ZNF695: variants seen among roughly 807,000 people sequenced by gnomAD.
ZNF695 encodes zinc finger protein 695.
ZNF695 carries 11 observed loss-of-function variants against 11.2 expected under a neutral mutation model. The observed-to-expected ratio is 0.98, with a 90% confidence interval of 0.62 to 1.62. The LOEUF (loss-of-function observed/expected upper bound fraction) is 1.62. Among genes scored for constraint, ZNF695 ranks in the 40% most tolerant of loss-of-function variants. ZNF695 has a pLI of 0.00. For missense variants in ZNF695, 559 were observed against 590.5 expected, an observed-to-expected ratio of 0.95 and a Z score of 0.55; for synonymous variants, 190 against 201.4, an observed-to-expected ratio of 0.94 and a Z score of 0.48.
intron 5 of ZNF695, among the ~76,000 whole-genome samples, chr1:246,950,586 G>C (rs971005803): frequency 6.8e-6 from 1 of 147,118 alleles, no homozygotes; most frequent in Admixed American, 6.9e-5. Context: ...GGGAGGCAGA[G>C]GTTGCAGTGA....
chr1:246,994,857 AAAAC>A (rs1482321940), intron 3 of ZNF695, among the ~76,000 whole-genome samples: 2 of 151,882 alleles, frequency 1.3e-5, no homozygotes, highest in South Asian at 4.2e-4. Flanking sequence ...ACAAAAACAA[AAAAC>A]AAACAAACAA....
chr1:246,996,964 CTT>C (rs1468953088), intron 3 of ZNF695, among the ~76,000 whole-genome samples: 1 of 152,108 alleles, frequency 6.6e-6, no homozygotes, highest in Admixed American at 6.6e-5. Context: ...GGCAAACAAA[CTT>C]ACAGATAAAT....
intron 4 of ZNF695, among the ~76,000 whole-genome samples, chr1:246,978,475 C>CAAATT (rs1480479490): frequency 6.6e-6 from 1 of 152,082 alleles, no homozygotes; most frequent in African/African-American, 2.4e-5. Flanking sequence ...GATGATGATG[C>CAAATT]AACACATAAA....
intron 5 of ZNF695, among the ~76,000 whole-genome samples, chr1:246,965,296 G>C (rs948770011): frequency 2.0e-5 from 3 of 150,632 alleles, no homozygotes; most frequent in African/African-American, 7.4e-5. Context: ...GGCGGAGCTT[G>C]CAGTGAGCCG....
intron 5 of ZNF695, among the ~76,000 whole-genome samples, chr1:246,959,848 T>C (rs114585613): frequency 0.017 from 2,552 of 152,302 alleles, 35 homozygotes; most frequent in African/African-American, 0.039. Context: ...TCCCTCTCCG[T>C]GGCGGTTCTG....
rs1312384964 is a variant in ZNF695 at position 246,987,726 on chromosome 1, A to G, written c.789T>C (p.Thr263=). Residue 263 remains threonine, a synonymous_variant, in exon 4 of 4, where the codon ACT becomes ACC. Transcript: ENST00000339986. The stretch of plus-strand genomic sequence containing the variant: ...CTTCACATCTGTAGGTTTTCTTTTC[A>G]GTATGATTTTTCTCAACAACAGCAA... ...SSLAVVEKNH[T]EKKTYRCEEC... is the part of the protein sequence containing the mutation. 2 of 1,591,326 alleles carry G rather than the reference A, an allele frequency of 1.3e-6. No homozygotes were observed. The highest frequency in any genetic ancestry group is 2.7e-5 in the African/African-American group (2 of 73,696).
chr1:246,992,928 T>G (rs1045205722), intron 3 of ZNF695, among the ~76,000 whole-genome samples: 1 of 152,224 alleles, frequency 6.6e-6, no homozygotes, highest in Admixed American at 6.5e-5. Context: ...TGAAAAAGAC[T>G]GGTTTCTGTC....
intron 5 of ZNF695, among the ~76,000 whole-genome samples, chr1:246,953,486 C>T (rs936485952): frequency 2.6e-5 from 4 of 152,116 alleles, no homozygotes; most frequent in Non-Finnish European, 5.9e-5. Context: ...TGGCACACGC[C>T]TGTAGTCCCA....
intron 4 of ZNF695, among the ~76,000 whole-genome samples, chr1:246,971,533 C>G (rs192248876): frequency 6.6e-6 from 1 of 152,118 alleles, no homozygotes. Context: ...CTGACGCTAC[C>G]GCTAGACCAG....
Position 246,986,528 on chromosome 1 carries a change from G to T in ZNF695, c.*439C>A. 1 of 989,326 alleles carries T rather than the reference G, an allele frequency of 1.0e-6. No homozygotes were observed. Among genetic ancestry groups the T allele is most frequent in the South Asian group, 4.7e-5 (1 of 21,494 alleles). 61.3% of individuals were successfully genotyped at this position (989,326 alleles called of 1,614,324 possible). A position where few individuals can be genotyped will look rare whatever the true frequency, so the allele number is the denominator to read the frequency against. ...TGCTTTTTACTATGAATTCTTGGAT[G>T]TGTTTTGATGTAATTTTTGATTAGA... is the stretch of plus-strand genomic sequence containing the variant. On this transcript the variant is annotated 3_prime_UTR_variant, in exon 4 of 4. Coordinates refer to ENST00000339986, the MANE Select transcript of ZNF695 (RefSeq NM_020394.5).
chr1:246,973,444 T>C (rs865884184), intron 4 of ZNF695, among the ~76,000 whole-genome samples: 1 of 152,232 alleles, frequency 6.6e-6, no homozygotes, highest in Non-Finnish European at 1.5e-5. Context: ...AACCACTACA[T>C]AATGTGAGAT....
chr1:246,987,278 A>G lies in ZNF695; in HGVS notation c.1237T>C (p.Cys413Arg). 1 of 1,614,056 alleles carries G rather than the reference A, an allele frequency of 6.2e-7. No individual in the cohort carries two copies. Among genetic ancestry groups the G allele is most frequent in the Non-Finnish European group, 8.5e-7 (1 of 1,179,988 alleles). ...TGQKPYKCEECGKAFTWFSYL... is the reference protein window; with the variant it reads ...TGQKPYKCEERGKAFTWFSYL... ...GAAAACCAGGTAAAAGCTTTGCCAC[A>G]TTCCTCACATTTGTAGGGTTTCTGC... The change falls in exon 4 of 4, where the codon TGT becomes CGT. Residue 413 changes from cysteine (C) to arginine (R), a missense_variant. Physicochemically the swap from Cys to Arg is radical, Grantham distance 180 (BLOSUM62 -3). Coordinates refer to ENST00000339986, the MANE Select transcript of ZNF695 (RefSeq NM_020394.5).
intron 4 of ZNF695, among the ~76,000 whole-genome samples, chr1:246,973,366 A>G (rs1668478608): frequency 6.6e-6 from 1 of 152,182 alleles, no homozygotes; most frequent in Non-Finnish European, 1.5e-5. Flanking sequence ...ACATATTTCT[A>G]ATGATTGCTT....
intron 5 of ZNF695, among the ~76,000 whole-genome samples, chr1:246,950,823 T>C (rs2102998233): frequency 6.6e-6 from 1 of 152,230 alleles, no homozygotes; most frequent in South Asian, 2.1e-4. Context: ...ATTTGTAAAA[T>C]GCAAAATGAC....
rs1341706957 is a variant in ZNF695 at position 246,987,375 on chromosome 1, G to C, written c.1140C>G (p.Tyr380Ter). Residue 380 changes from tyrosine to a stop codon, truncating the protein, a stop_gained, in exon 4 of 4, where the codon TAC becomes TAG. Transcript: ENST00000339986. LOFTEE classifies it low-confidence loss of function (END_TRUNC). ...HRRIHTGEKP[Y>*]KCEECGKAFT... ...AAGCTTTGCCACATTCCTCACATTT[G>C]TATGGTTTCTCACCAGTATGAATTC... 6.2e-7 allele frequency: 1 copy of C among 1,613,508 alleles called. No homozygotes were observed. The highest frequency in any genetic ancestry group is 8.5e-7 in the Non-Finnish European group (1 of 1,179,786).
chr1:246,947,635 G>A (rs74152769), intron 5 of ZNF695, among the ~76,000 whole-genome samples: 3,493 of 149,822 alleles, frequency 0.023, 139 homozygotes, highest in African/African-American at 0.081. Context: ...GTGGTATATC[G>A]GGCGTTTCCA....
chr1:246,984,895 A>G (rs906393091), downstream of ZNF695, among the ~76,000 whole-genome samples: 2 of 152,252 alleles, frequency 1.3e-5, no homozygotes, highest in African/African-American at 2.4e-5. Context: ...TTTTGGAACA[A>G]GAAAATTATA....
chr1:246,999,316 T>C (rs772613827), intron 3 of ZNF695, 32 bp downstream of exon 3: 175 of 1,543,594 alleles, frequency 1.1e-4, no homozygotes, highest in African/African-American at 1.4e-5. Flanking sequence ...CTTCAACCCC[T>C]ACCTGTGTTC....
In ZNF695 at chr1:246,956,343, C is replaced by T. The variant is rs375769478; in HGVS notation, c.489-10516G>A. Among the ~76,000 whole-genome samples the T allele has an allele frequency of 6.7e-5, 10 of 150,108 alleles. No homozygotes were observed. In the South Asian group the frequency reaches 1.6e-3, roughly 23 times the overall value. On this transcript the variant is annotated intron_variant, in intron 5 of 5. Coordinates refer to the ZNF695 transcript ENST00000487338. ...AAAAGATGGTCATGGGGGCCGGGCG[C>T]GGTGGCTCATGCCTGTAATCCCAGC...
Sources: gnomAD v4.1 joint callset for allele counts (sites outside exome capture counted in the v4.1 genomes callset) on GRCh38, gnomAD v4.1.1 for gene constraint, MANE v1.5 for transcripts, NCBI Gene and HGNC (gene_info 2026-07-23, HGNC 2026-07-21) for gene names.